Variants in MAML2 observed in about 807,000 individuals in gnomAD.
MAML2 encodes mastermind like transcriptional coactivator 2.
In MAML2, 22 loss-of-function variants were observed where a neutral mutation model predicts 96.1. The ratio of observed to expected loss-of-function variants is 0.23; its 90% CI spans 0.16 to 0.33. The LOEUF (loss-of-function observed/expected upper bound fraction) is 0.33, where lower values mean the gene tolerates loss of function less well. Among genes scored for constraint, MAML2 ranks in the 10% least tolerant of loss-of-function variants. MAML2 has a pLI of 1.00. For synonymous variants in MAML2, 561 were observed against 521.3 expected (o/e 1.08, Z -1.04); for missense variants, 1,367 against 1,392.4 (o/e 0.98, Z 0.29).
intron 1 of MAML2, among the ~76,000 whole-genome samples, chr11:96,193,937 G>A (rs61740400): frequency 0.025 from 3,734 of 152,300 alleles, 73 homozygotes; most frequent in Non-Finnish European, 0.039. Flanking sequence ...AGCAGTGTCT[G>A]CAGAGGGGAG....
At chr11:96,097,067 A>G (rs1359665825) in intron 1 of MAML2, among the ~76,000 whole-genome samples, 1 of 152,214 alleles carries the variant, frequency 6.6e-6, no homozygotes, top group Non-Finnish European at 1.5e-5. Flanking sequence ...TGGCACCAGC[A>G]CCATACAATC....
At chr11:96,213,384 T>C (rs576384192) in intron 1 of MAML2, among the ~76,000 whole-genome samples, 32 of 152,330 alleles carry the variant, frequency 2.1e-4, no homozygotes, top group African/African-American at 7.2e-4. Context: ...AATTCTACTC[T>C]ACTTTATGAT....
intron 1 of MAML2, among the ~76,000 whole-genome samples, chr11:96,140,646 C>G (rs919242180): frequency 6.6e-6 from 1 of 152,140 alleles, no homozygotes; most frequent in African/African-American, 2.4e-5. Context: ...GCAGTGTTGC[C>G]CCTAGACGTC....
intron 1 of MAML2, among the ~76,000 whole-genome samples, chr11:96,197,289 C>T (rs1269515232): frequency 6.6e-6 from 1 of 152,212 alleles, no homozygotes; most frequent in African/African-American, 2.4e-5. Flanking sequence ...CCTCCTTCGA[C>T]ATAACTAATT....
chr11:96,155,286 G>T (rs1351849905), intron 1 of MAML2, among the ~76,000 whole-genome samples: 1 of 151,806 alleles, frequency 6.6e-6, no homozygotes, highest in Non-Finnish European at 1.5e-5. Flanking sequence ...AGGGTGAAGA[G>T]AATGCATCAG....
chr11:96,291,466 T>C (rs1168683749), intron 1 of MAML2, among the ~76,000 whole-genome samples: 1 of 152,126 alleles, frequency 6.6e-6, no homozygotes, highest in Admixed American at 6.5e-5. Flanking sequence ...TTCTTAGTTA[T>C]AGTCTTAGTT....
chr11:96,230,774 G>A (rs908787245), intron 1 of MAML2, among the ~76,000 whole-genome samples: 14 of 152,300 alleles, frequency 9.2e-5, no homozygotes, highest in African/African-American at 3.4e-4. Flanking sequence ...ACAATACGAA[G>A]CCTAATGTGC....
In MAML2 at chr11:96,268,358, A is replaced by C. The variant is rs552185743; in HGVS notation, c.513+73025T>G. 2.0e-5 allele frequency among the ~76,000 whole-genome samples: 3 copies of C among 152,076 alleles called. No individual in the cohort carries two copies. In the South Asian group the frequency reaches 6.2e-4, roughly 32 times the overall value. On this transcript the variant is annotated intron_variant, in intron 1 of 4. Transcript: ENST00000524717. ...CAAAATTAGCCAGGTATGGTGGTGT[A>C]CTCCTGTAGTCCTAGCTACTCCAGA... is the stretch of plus-strand genomic sequence containing the variant.
intron 1 of MAML2, among the ~76,000 whole-genome samples, chr11:96,209,589 C>CAAAT (rs1372498556): frequency 9.5e-5 from 4 of 41,924 alleles, no homozygotes; most frequent in Non-Finnish European, 1.9e-4. Context: ...AACAAACAAA[C>CAAAT]AAACAAACAA....
At chr11:95,990,620 G>A (rs1213489309) in intron 3 of MAML2, among the ~76,000 whole-genome samples, 1 of 152,138 alleles carries the variant, frequency 6.6e-6, no homozygotes, top group Non-Finnish European at 1.5e-5. Context: ...AGGGTGAAGA[G>A]AGGATTTGCC....
chr11:96,123,311 T>G (rs1275743496), intron 1 of MAML2, among the ~76,000 whole-genome samples: 1 of 152,082 alleles, frequency 6.6e-6, no homozygotes, highest in Non-Finnish European at 1.5e-5. Flanking sequence ...GTCTTTTTTT[T>G]TTTTCACGTA....
rs1864021963 is a variant in MAML2, at chr11:96,343,019, G to A, written c.-1124C>T. 2.5e-6 allele frequency: 1 copy of A among 393,752 alleles called. No homozygotes were observed. The highest frequency in any genetic ancestry group is 4.5e-6 in the Non-Finnish European group (1 of 223,422). The allele number at this position is 393,752 out of a possible 1,614,324, so 24.4% of individuals were successfully genotyped here. On this transcript the variant is annotated 5_prime_UTR_variant, in exon 1 of 5. Coordinates refer to ENST00000524717, the MANE Select transcript of MAML2 (RefSeq NM_032427.4). ...GTCTGGACTCGCAATAAGCAATCTGGTTCTATCTCCTGTATTTGCTCCGCT... is the reference window on the plus strand; with the variant it reads ...GTCTGGACTCGCAATAAGCAATCTGATTCTATCTCCTGTATTTGCTCCGCT...
intron 1 of MAML2, among the ~76,000 whole-genome samples, chr11:96,281,468 G>A (rs1863064329): frequency 1.3e-5 from 2 of 152,138 alleles, no homozygotes; most frequent in South Asian, 4.1e-4. Context: ...AGCCCACAGT[G>A]GTATCTGCCC....
intron 4 of MAML2, among the ~76,000 whole-genome samples, chr11:95,982,713 T>C (rs1857759328): frequency 6.6e-6 from 1 of 152,196 alleles, no homozygotes; most frequent in African/African-American, 2.4e-5. Flanking sequence ...TCATAGGCCA[T>C]GGTATTAAAA....
At chr11:96,169,618 G>C (rs533988946) in intron 1 of MAML2, among the ~76,000 whole-genome samples, 1 of 151,992 alleles carries the variant, frequency 6.6e-6, no homozygotes, top group East Asian at 1.9e-4. Flanking sequence ...TGTTATGCCA[G>C]CAGAATGGGG....
intron 4 of MAML2, among the ~76,000 whole-genome samples, chr11:95,983,557 G>A (rs1487473853): frequency 6.6e-6 from 1 of 152,174 alleles, no homozygotes; most frequent in East Asian, 1.9e-4. Flanking sequence ...AGAGGATTTT[G>A]AACGTTCCCA....
At chr11:96,096,225 C>T (rs745665314) in intron 1 of MAML2, among the ~76,000 whole-genome samples, 1 of 152,198 alleles carries the variant, frequency 6.6e-6, no homozygotes, top group Non-Finnish European at 1.5e-5. Context: ...TCTGGCCACT[C>T]CCTGGGCAGT....
intron 2 of MAML2, among the ~76,000 whole-genome samples, chr11:96,076,439 C>CACACACAT (rs1399514343): frequency 3.2e-4 from 16 of 50,770 alleles, no homozygotes; most frequent in African/African-American, 1.2e-3. Context: ...CTCTCACACA[C>CACACACAT]ACACACACAC....
At chr11:95,993,099 G>A (rs568750744) in intron 2 of MAML2, among the ~76,000 whole-genome samples, 28 of 151,150 alleles carry the variant, frequency 1.9e-4, no homozygotes, top group Non-Finnish European at 3.2e-4. Context: ...TTTTAGAGAC[G>A]GGGTCTTACT....
Sources: allele counts gnomAD v4.1 joint callset (sites outside exome capture counted in the v4.1 genomes callset), GRCh38; gene constraint gnomAD v4.1.1; transcripts MANE v1.5; gene names NCBI Gene and HGNC (gene_info 2026-07-23, HGNC 2026-07-21).